OR9Q2: variants seen among roughly 807,000 people sequenced by gnomAD.
OR9Q2 encodes olfactory receptor 9Q2.
A neutral mutation model predicts 2.3 loss-of-function variants in OR9Q2; 2 were observed. The ratio of observed to expected loss-of-function variants is 0.85; its 90% CI spans 0.35 to 2.68. The LOEUF is 2.68. Ranked by LOEUF, OR9Q2 falls within the 30% of genes most tolerant of loss-of-function variation. OR9Q2 has a pLI of 0.10. For missense variants in OR9Q2, 404 were observed against 395.7 expected (o/e 1.02, Z -0.18); for synonymous variants, 178 against 158.6 (o/e 1.12, Z -0.92).
rs1700128704 is a variant in OR9Q2 at position 58,190,655 on chromosome 11, C to T, written c.165C>T (p.Leu55=). 3.7e-6 allele frequency: 6 copies of T among 1,614,092 alleles called. No homozygotes were observed. The highest frequency in any genetic ancestry group is 2.7e-5 in the African/African-American group (2 of 74,938). Residue 55 remains leucine, a synonymous_variant, in exon 2 of 2, where the codon CTC becomes CTT. Coordinates refer to ENST00000641291, the MANE Select transcript of OR9Q2 (RefSeq NM_001005283.3). ...MILLIRGDRR[L]HTPMYFFLSH... ...TCCTGATCCGTGGCGATCGTCGGCT[C>T]CACACCCCGATGTACTTCTTCCTCA...
In OR9Q2 at chr11:58,192,090, C is replaced by G. The variant is rs1200872253; in HGVS notation, c.*655C>G. On this transcript the variant is annotated 3_prime_UTR_variant, in exon 2 of 2. Transcript: ENST00000641291. ...TCTTTCTTTTTTTATCTTCTTGTTT[C>G]TGTGATTTTTGAATAACAATGAGGA... The G allele has an allele frequency of 7.1e-6, 1 of 141,666 alleles. No homozygotes were observed. The highest frequency in any genetic ancestry group is 2.0e-4 in the East Asian group (1 of 5,006). The allele number at this position is 141,666 out of a possible 1,614,324, so 8.8% of individuals were successfully genotyped here. A position where few individuals can be genotyped will look rare whatever the true frequency, so the allele number is the denominator to read the frequency against.
In OR9Q2 at chr11:58,190,893, A is replaced by G; in HGVS notation, c.403A>G (p.Ile135Val). The G allele has an allele frequency of 6.2e-7, 1 of 1,614,158 alleles. No individual in the cohort carries two copies. The highest frequency in any genetic ancestry group is 8.5e-7 in the Non-Finnish European group (1 of 1,180,026). Residue 135 changes from isoleucine to valine, a missense_variant, in exon 2 of 2, where the codon ATC (isoleucine) becomes GTC (valine). Transcript: ENST00000641291. ...GTGCCAGCCCCTGCTTTATGTCACC[A>G]TCATAACCGAGAAGGCCCGCTGGGG... ...AVCQPLLYVT[I>V]ITEKARWGLV...
rs1181698431 is a variant in OR9Q2 at position 58,192,122 on chromosome 11, TA to T, written c.*689del. 4.7e-5 allele frequency: 7 copies of T among 148,576 alleles called. No homozygotes were observed. The East Asian group carries it at 1.4e-3, about 29-fold the overall frequency. 9.2% of individuals were successfully genotyped at this position (148,576 alleles called of 1,614,324 possible). ...TTTTGAATAACAATGAGGAAAATAA[TA>T]ATAATAATAATAATAATAATAATAG... is the stretch of plus-strand genomic sequence containing the variant. On this transcript the variant is annotated 3_prime_UTR_variant, in exon 2 of 2. Coordinates refer to ENST00000641291, the MANE Select transcript of OR9Q2 (RefSeq NM_001005283.3).
chr11:58,190,566 C>T lies in OR9Q2; in HGVS notation c.76C>T (p.Pro26Ser), dbSNP rs143165965. ...AFTEHLQWRVPLFLIFLSFYL... is the reference protein window; with the variant it reads ...AFTEHLQWRVSLFLIFLSFYL... ...TACTGAACATCTCCAGTGGAGGGTT[C>T]CTCTCTTCCTCATATTTTTGAGTTT... is the stretch of plus-strand genomic sequence containing the variant. The change falls in exon 2 of 2, where the codon CCT becomes TCT. Residue 26 changes from proline (P) to serine (S), a missense_variant. Pro to Ser is a moderately conservative substitution (Grantham distance 74). Coordinates refer to ENST00000641291, the MANE Select transcript of OR9Q2 (RefSeq NM_001005283.3). 8.3e-4 allele frequency: 1,338 copies of T among 1,614,034 alleles called. 3 individuals are homozygous for T. Among genetic ancestry groups the T allele is most frequent in the Non-Finnish European group, 9.6e-4 (1,129 of 1,179,932 alleles).
rs565204292 is a variant in OR9Q2, at chr11:58,190,783, C to T, written c.293C>T (p.Ala98Val). Residue 98 changes from alanine (A) to valine (V), a missense_variant, in exon 2 of 2, where the codon GCA (alanine) becomes GTA (valine). Ala to Val is a moderately conservative substitution (Grantham distance 64). Transcript: ENST00000641291. ...ACAACCATCTCCCAGGCTCGCTGTGCAGCTCAGTTCTTCCTCTTCACCTTC... is the reference window on the plus strand; with the variant it reads ...ACAACCATCTCCCAGGCTCGCTGTGTAGCTCAGTTCTTCCTCTTCACCTTC... ...HGTTISQARC[A>V]AQFFLFTFFA... 1 of 1,614,226 alleles carries T rather than the reference C, an allele frequency of 6.2e-7. No individual in the cohort carries two copies. Among genetic ancestry groups the T allele is most frequent in the African/African-American group, 1.3e-5 (1 of 75,064 alleles).
At position 58,191,850 on chromosome 11, in the gene OR9Q2, C is replaced by T. The variant is rs1156248765; in HGVS notation, c.*415C>T. The T allele has an allele frequency of 5.6e-5, 9 of 161,598 alleles. No homozygotes were observed. Among genetic ancestry groups the T allele is most frequent in the Non-Finnish European group, 1.1e-4 (8 of 73,012 alleles). 10.0% of individuals were successfully genotyped at this position (161,598 alleles called of 1,614,324 possible). On this transcript the variant is annotated 3_prime_UTR_variant, in exon 2 of 2. Transcript: ENST00000641291. ...TTATCTGTCAAGTAGATTTATCTAC[C>T]TTATAGGACTATGGTTTTGAGGATC... is the stretch of plus-strand genomic sequence containing the variant.
At position 58,193,419 on chromosome 11, in the gene OR9Q2, G is replaced by C. The variant is rs943286627; in HGVS notation, c.*1984G>C. On this transcript the variant is annotated 3_prime_UTR_variant, in exon 2 of 2. Transcript: ENST00000641291. ...AGCTTTACATGAATCCTTTATTTTA[G>C]CCCTCCTAACAATGTTAATGAAAAG... 3 of 152,218 alleles carry C rather than the reference G, an allele frequency of 2.0e-5. No individual in the cohort carries two copies. The highest frequency in any genetic ancestry group is 7.2e-5 in the African/African-American group (3 of 41,522). 9.4% of individuals were successfully genotyped at this position (152,218 alleles called of 1,614,324 possible). A position where few individuals can be genotyped will look rare whatever the true frequency, so the allele number is the denominator to read the frequency against.
In OR9Q2 at chr11:58,191,394, A is replaced by G; in HGVS notation, c.904A>G (p.Arg302Gly). ...AAACAAGGAGGTAAAAGAGGCCACT[A>G]GGAAAGCCCTGAGCAAATCAAAGCC... ...LRNKEVKEAT[R>G]KALSKSKPAR... Residue 302 changes from arginine to glycine, a missense_variant, in exon 2 of 2, where the codon AGG becomes GGG. By Grantham distance (125) the Arg-to-Gly change is moderately radical (BLOSUM62 -2). Transcript: ENST00000641291. 6.2e-7 allele frequency: 1 copy of G among 1,612,990 alleles called. No individual in the cohort carries two copies. Among genetic ancestry groups the G allele is most frequent in the Non-Finnish European group, 8.5e-7 (1 of 1,179,390 alleles).
At position 58,191,457 on chromosome 11, in the gene OR9Q2, C is replaced by T. The variant is rs1248230934; in HGVS notation, c.*22C>T. ...CTAAATGGACCCTTGTGAAATATATCATTCCTTAGTTTCCCCATCTTTTCT... is the reference window on the plus strand; with the variant it reads ...CTAAATGGACCCTTGTGAAATATATTATTCCTTAGTTTCCCCATCTTTTCT... On this transcript the variant is annotated 3_prime_UTR_variant, in exon 2 of 2. Coordinates refer to ENST00000641291, the MANE Select transcript of OR9Q2 (RefSeq NM_001005283.3). 1.4e-6 allele frequency: 2 copies of T among 1,463,566 alleles called. No individual in the cohort carries two copies. Among genetic ancestry groups the T allele is most frequent in the Non-Finnish European group, 1.9e-6 (2 of 1,077,268 alleles). 90.7% of individuals were successfully genotyped at this position (1,463,566 alleles called of 1,614,324 possible).
chr11:58,191,841 T>C lies in OR9Q2; in HGVS notation c.*406T>C, dbSNP rs1321782158. ...TCAGTTTTCTTATCTGTCAAGTAGA[T>C]TTATCTACCTTATAGGACTATGGTT... On this transcript the variant is annotated 3_prime_UTR_variant, in exon 2 of 2. Transcript: ENST00000641291. The C allele has an allele frequency of 6.1e-6, 1 of 164,302 alleles. No homozygotes were observed. The highest frequency in any genetic ancestry group is 1.3e-5 in the Non-Finnish European group (1 of 74,326). The allele number at this position is 164,302 out of a possible 1,614,324, so 10.2% of individuals were successfully genotyped here.
In OR9Q2 at chr11:58,191,197, A is replaced by G. The variant is rs1326156239; in HGVS notation, c.707A>G (p.Lys236Arg). 2.5e-6 allele frequency: 4 copies of G among 1,614,012 alleles called. No homozygotes were observed. The highest frequency in any genetic ancestry group is 3.4e-6 in the Non-Finnish European group (4 of 1,180,014). ...ATCCACTCTGCTGGAGGCCGGGCCAAGACCTTCTCCACCTGCGCCTCCCAC... is the reference window on the plus strand; with the variant it reads ...ATCCACTCTGCTGGAGGCCGGGCCAGGACCTTCTCCACCTGCGCCTCCCAC... ...LQIHSAGGRA[K>R]TFSTCASHLT... Residue 236 changes from lysine to arginine, a missense_variant, in exon 2 of 2, where the codon AAG becomes AGG. Physicochemically the swap from Lys to Arg is conservative, Grantham distance 26. Coordinates refer to ENST00000641291, the MANE Select transcript of OR9Q2 (RefSeq NM_001005283.3).
rs1039999518 is a variant in OR9Q2, at chr11:58,192,526, A to G, written c.*1091A>G. The G allele has an allele frequency of 3.3e-5, 5 of 151,380 alleles. No individual in the cohort carries two copies. Among genetic ancestry groups the G allele is most frequent in the Non-Finnish European group, 7.4e-5 (5 of 67,694 alleles). 9.4% of individuals were successfully genotyped at this position (151,380 alleles called of 1,614,324 possible). On this transcript the variant is annotated 3_prime_UTR_variant, in exon 2 of 2. Transcript: ENST00000641291. Reference sequence around the variant, plus strand: ...GTTGGTGTAGATGGCAGTCAACAAAATTCATTTTATAGCCCCTATGTTCTA... The same window carrying G: ...GTTGGTGTAGATGGCAGTCAACAAAGTTCATTTTATAGCCCCTATGTTCTA...
chr11:58,190,355 A>T lies in OR9Q2; in HGVS notation c.-136A>T, dbSNP rs903165112. On this transcript the variant is annotated 5_prime_UTR_variant, in exon 2 of 2. Coordinates refer to ENST00000641291, the MANE Select transcript of OR9Q2 (RefSeq NM_001005283.3). ...TCTGTCTATATCTATCTTCGACTGA[A>T]AAGTGTGTTGAAGTTGAGTGCCGAC... 4.8e-6 allele frequency: 3 copies of T among 627,142 alleles called. No individual in the cohort carries two copies. Among genetic ancestry groups the T allele is most frequent in the Non-Finnish European group, 8.5e-6 (3 of 351,842 alleles). 38.8% of individuals were successfully genotyped at this position (627,142 alleles called of 1,614,324 possible). A position where few individuals can be genotyped will look rare whatever the true frequency, so the allele number is the denominator to read the frequency against.
rs752745126 is a variant in OR9Q2, at chr11:58,193,976, G to A, written c.*2541G>A. On this transcript the variant is annotated 3_prime_UTR_variant, in exon 2 of 2. Transcript: ENST00000641291. Reference sequence around the variant, plus strand: ...TTCGGGTCTTCTTTTTCAGTCTTAAGTGATTACCTAAGGAATTAAATATTC... The same window carrying A: ...TTCGGGTCTTCTTTTTCAGTCTTAAATGATTACCTAAGGAATTAAATATTC... 4 of 152,052 alleles carry A rather than the reference G, an allele frequency of 2.6e-5. No individual in the cohort carries two copies. Among genetic ancestry groups the A allele is most frequent in the African/African-American group, 9.7e-5 (4 of 41,394 alleles). 9.4% of individuals were successfully genotyped at this position (152,052 alleles called of 1,614,324 possible).
At position 58,190,983 on chromosome 11, in the gene OR9Q2, A is replaced by T; in HGVS notation, c.493A>T (p.Thr165Ser). 4.3e-6 allele frequency: 7 copies of T among 1,613,540 alleles called. No homozygotes were observed. The highest frequency in any genetic ancestry group is 5.1e-6 in the Non-Finnish European group (6 of 1,179,882). ...SAFVRTVTAF[T>S]LSFCGNNEIN... ...CTTTGTTCGAACGGTCACAGCCTTCACTCTCTCCTTTTGTGGAAACAATGA... is the reference window on the plus strand; with the variant it reads ...CTTTGTTCGAACGGTCACAGCCTTCTCTCTCTCCTTTTGTGGAAACAATGA... Residue 165 changes from threonine to serine, a missense_variant, in exon 2 of 2, where the codon ACT (threonine) becomes TCT (serine). Thr to Ser is a moderately conservative substitution (Grantham distance 58). Coordinates refer to ENST00000641291, the MANE Select transcript of OR9Q2 (RefSeq NM_001005283.3).
Position 58,192,146 on chromosome 11 carries a change from T to TAATAATAATAGC in OR9Q2, c.*712_*713insATAATAATAGCA, listed in dbSNP as rs758130333. The TAATAATAATAGC allele has an allele frequency of 6.7e-6, 1 of 150,310 alleles. No individual in the cohort carries two copies. The highest frequency in any genetic ancestry group is 1.5e-5 in the Non-Finnish European group (1 of 67,666). 9.3% of individuals were successfully genotyped at this position (150,310 alleles called of 1,614,324 possible). ...ATAATAATAATAATAATAATAATAA[T>TAATAATAATAGC]AGCAAGTTACACTTATTAGGCATTA... On this transcript the variant is annotated 3_prime_UTR_variant, in exon 2 of 2. Transcript: ENST00000641291.
At position 58,193,553 on chromosome 11, in the gene OR9Q2, T is replaced by C. The variant is rs774154619; in HGVS notation, c.*2118T>C. 2 of 152,212 alleles carry C rather than the reference T, an allele frequency of 1.3e-5. No homozygotes were observed. The highest frequency in any genetic ancestry group is 2.9e-5 in the Non-Finnish European group (2 of 68,036). 9.4% of individuals were successfully genotyped at this position (152,212 alleles called of 1,614,324 possible). On this transcript the variant is annotated 3_prime_UTR_variant, in exon 2 of 2. Coordinates refer to ENST00000641291, the MANE Select transcript of OR9Q2 (RefSeq NM_001005283.3). ...CAAGAAAGTGGCAGATGAGGGAGGT[T>C]CTGTTCTCAGGTCTCTGACTCCAAA...
Position 58,192,488 on chromosome 11 carries a change from A to G in OR9Q2, c.*1053A>G, listed in dbSNP as rs910296463. The G allele has an allele frequency of 3.9e-5, 6 of 152,172 alleles. No individual in the cohort carries two copies. Among genetic ancestry groups the G allele is most frequent in the Non-Finnish European group, 8.8e-5 (6 of 68,030 alleles). The allele number at this position is 152,172 out of a possible 1,614,324, so 9.4% of individuals were successfully genotyped here. On this transcript the variant is annotated 3_prime_UTR_variant, in exon 2 of 2. Transcript: ENST00000641291. The stretch of plus-strand genomic sequence containing the variant: ...TCCTTTTATCTGGTGAAGAAAAGGT[A>G]AAAGTCCAATCTGTTGGTGTAGATG...
Position 58,190,857 on chromosome 11 carries a change from T to C in OR9Q2, c.367T>C (p.Tyr123His), listed in dbSNP as rs1854754184. 1.2e-6 allele frequency: 2 copies of C among 1,614,224 alleles called. No homozygotes were observed. Among genetic ancestry groups the C allele is most frequent in the Admixed American group, 1.7e-5 (1 of 60,028 alleles). ...YLLAIMAYDR[Y>H]TAVCQPLLYV... The stretch of plus-strand genomic sequence containing the variant: ...TCTGGCCATCATGGCCTATGACCGC[T>C]ACACGGCCGTGTGCCAGCCCCTGCT... The change falls in exon 2 of 2, where the codon TAC becomes CAC. Residue 123 changes from tyrosine to histidine, a missense_variant. By Grantham distance (83) the Tyr-to-His change is moderately conservative. Coordinates refer to ENST00000641291, the MANE Select transcript of OR9Q2 (RefSeq NM_001005283.3).
Sources: allele counts gnomAD v4.1 joint callset, GRCh38; gene constraint gnomAD v4.1.1; transcripts MANE v1.5; gene names NCBI Gene and HGNC (gene_info 2026-07-23, HGNC 2026-07-21).